ZNF385B: variants seen among roughly 807,000 people sequenced by gnomAD.
ZNF385B encodes zinc finger protein 385B.
A neutral mutation model predicts 39.2 loss-of-function variants in ZNF385B; 23 were observed. The ratio of observed to expected loss-of-function variants is 0.59; its 90% CI spans 0.42 to 0.83. The LOEUF (loss-of-function observed/expected upper bound fraction) is 0.83, where lower values mean the gene tolerates loss of function less well. ZNF385B is among the 40% of genes least tolerant of loss of function. The pLI, the probability that ZNF385B is intolerant of heterozygous loss-of-function variation, is 0.00. For missense variants in ZNF385B, 552 were observed against 598.9 expected, an observed-to-expected ratio of 0.92 and a Z score of 0.82; for synonymous variants, 205 against 222.6, an observed-to-expected ratio of 0.92 and a Z score of 0.70.
rs189425237 is a variant in ZNF385B at position 179,859,315 on chromosome 2, C to T, written c.-155+1786G>A. On this transcript the variant is annotated intron_variant, in intron 1 of 9. Coordinates refer to ENST00000410066, the MANE Select transcript of ZNF385B (RefSeq NM_152520.6). Reference sequence around the variant, plus strand: ...CATTAAATTCATTGTTTTCTTTTTGCTCTGTGAATCTGTATATTGTTAAAA... The same window carrying T: ...CATTAAATTCATTGTTTTCTTTTTGTTCTGTGAATCTGTATATTGTTAAAA... 1.9e-4 allele frequency among the ~76,000 whole-genome samples: 29 copies of T among 152,144 alleles called. No homozygotes were observed. In the East Asian group the frequency reaches 5.0e-3, roughly 26 times the overall value.
intron 3 of ZNF385B, among the ~76,000 whole-genome samples, chr2:179,694,256 T>C (rs1293944939): frequency 1.3e-5 from 2 of 152,116 alleles, no homozygotes; most frequent in African/African-American, 4.8e-5. Context: ...TTCAGTGGAG[T>C]TATACAGTTA....
intron 3 of ZNF385B, among the ~76,000 whole-genome samples, chr2:179,731,120 G>C (rs1701361008): frequency 6.6e-6 from 1 of 152,154 alleles, no homozygotes; most frequent in Non-Finnish European, 1.5e-5. Context: ...TTCAGATTTG[G>C]CTAGTACTGT....
chr2:179,776,802 C>T (rs1167621848), intron 1 of ZNF385B, among the ~76,000 whole-genome samples: 1 of 152,118 alleles, frequency 6.6e-6, no homozygotes, highest in Non-Finnish European at 1.5e-5. Context: ...ACTGATAAAA[C>T]ATTGGAATTC....
chr2:179,754,791 T>A (rs908317114), intron 3 of ZNF385B, among the ~76,000 whole-genome samples: 1 of 152,186 alleles, frequency 6.6e-6, no homozygotes, highest in Non-Finnish European at 1.5e-5. Flanking sequence ...CCTTTATCAT[T>A]TTTTATTATG....
intron 3 of ZNF385B, among the ~76,000 whole-genome samples, chr2:179,586,801 G>A (rs1687112477): frequency 1.3e-5 from 2 of 152,218 alleles, no homozygotes; most frequent in South Asian, 4.1e-4. Context: ...CACTCTGGGA[G>A]GCCGAGGCGG....
At chr2:179,510,633 A>G (rs1424302035) in intron 5 of ZNF385B, among the ~76,000 whole-genome samples, 2 of 152,158 alleles carry the variant, frequency 1.3e-5, no homozygotes, top group Non-Finnish European at 2.9e-5. Context: ...TAAGTAAAAT[A>G]CCTCTGATTT....
At chr2:179,608,620 C>T (rs1381251877) in intron 3 of ZNF385B, among the ~76,000 whole-genome samples, 4 of 152,104 alleles carry the variant, frequency 2.6e-5, no homozygotes, top group African/African-American at 7.2e-5. Context: ...TTTTCTAGAA[C>T]AGCGATTCTC....
At chr2:179,624,355 T>C (rs936151931) in intron 3 of ZNF385B, among the ~76,000 whole-genome samples, 1 of 152,164 alleles carries the variant, frequency 6.6e-6, no homozygotes, top group Non-Finnish European at 1.5e-5. Context: ...CTATGAACTT[T>C]CAAGGTGTAG....
chr2:179,675,586 G>GT (rs555899727), intron 3 of ZNF385B, among the ~76,000 whole-genome samples: 87 of 152,292 alleles, frequency 5.7e-4, no homozygotes, highest in Non-Finnish European at 1.1e-3. Flanking sequence ...GAACTGAAGA[G>GT]TGAGTGTGAG....
At chr2:179,835,129 T>C (rs994371070) in intron 1 of ZNF385B, among the ~76,000 whole-genome samples, 1 of 152,224 alleles carries the variant, frequency 6.6e-6, no homozygotes, top group Non-Finnish European at 1.5e-5. Flanking sequence ...TATTGTATTG[T>C]TAAATTTCCT....
chr2:179,570,328 T>C (rs964210475), intron 3 of ZNF385B, among the ~76,000 whole-genome samples: 1 of 152,186 alleles, frequency 6.6e-6, no homozygotes, highest in African/African-American at 2.4e-5. Context: ...AATCTGTACA[T>C]TTCTGTGATC....
rs189744340 is a variant in ZNF385B at position 179,490,692 on chromosome 2, C to A, written c.553-7258G>T. On this transcript the variant is annotated intron_variant, in intron 5 of 9. Transcript: ENST00000410066. ...GTTTCAAGTGAATAAAATTTTGTCT[C>A]ATTTTCCCAGTAAGTTTTATATTTC... Among the ~76,000 whole-genome samples, 43 of 152,048 alleles carry A rather than the reference C, an allele frequency of 2.8e-4. No individual in the cohort carries two copies. The Middle Eastern group carries it at 0.014, about 48-fold the overall frequency.
At chr2:179,814,416 G>A in intron 1 of ZNF385B, 1 of 429,952 alleles carries the variant, frequency 2.3e-6, no homozygotes, top group South Asian at 1.9e-5. Flanking sequence ...TAAAGATTTT[G>A]CAGTTATTTT....
At chr2:179,755,940 T>C (rs1205838497) in intron 3 of ZNF385B, among the ~76,000 whole-genome samples, 1 of 152,224 alleles carries the variant, frequency 6.6e-6, no homozygotes, top group East Asian at 1.9e-4. Context: ...ACATTTAAGG[T>C]TAATATTGTT....
At chr2:179,853,928 C>T (rs1684377683) in intron 1 of ZNF385B, among the ~76,000 whole-genome samples, 1 of 152,180 alleles carries the variant, frequency 6.6e-6, no homozygotes, top group South Asian at 2.1e-4. Flanking sequence ...GACATTTAGG[C>T]TCTGCTATTT....
At chr2:179,749,631 T>C (rs1015071665) in intron 3 of ZNF385B, among the ~76,000 whole-genome samples, 6 of 152,122 alleles carry the variant, frequency 3.9e-5, no homozygotes, top group African/African-American at 1.4e-4. Flanking sequence ...CCAGTGGAAA[T>C]TGAACTCACT....
At chr2:179,675,954 A>AT (rs994521597) in intron 3 of ZNF385B, among the ~76,000 whole-genome samples, 1 of 150,684 alleles carries the variant, frequency 6.6e-6, no homozygotes, top group Non-Finnish European at 1.5e-5. Flanking sequence ...CACCCGGCTA[A>AT]TTTTTTGTAT....
At chr2:179,815,177 A>G (rs1392362766) in intron 1 of ZNF385B, among the ~76,000 whole-genome samples, 1 of 152,226 alleles carries the variant, frequency 6.6e-6, no homozygotes, top group South Asian at 2.1e-4. Flanking sequence ...GCTTAAAAGA[A>G]AGGAACAATG....
At chr2:179,658,954 T>A (rs759567818) in intron 3 of ZNF385B, among the ~76,000 whole-genome samples, 6 of 152,132 alleles carry the variant, frequency 3.9e-5, no homozygotes, top group Admixed American at 1.3e-4. Context: ...ATTTTTGTAT[T>A]TTAGTAGAGA....
Sources: gnomAD v4.1 joint callset for allele counts (sites outside exome capture counted in the v4.1 genomes callset) on GRCh38, gnomAD v4.1.1 for gene constraint, MANE v1.5 for transcripts, NCBI Gene and HGNC (gene_info 2026-07-23, HGNC 2026-07-21) for gene names.